DFFA: variants seen among roughly 807,000 people sequenced by gnomAD.
DFFA encodes the protein DNA fragmentation factor subunit alpha, also known as DFF45.
Under a neutral mutation model 28.0 loss-of-function variants are expected in DFFA, and 14 were observed. That is an observed-to-expected ratio of 0.50 (90% CI 0.33 to 0.78). The LOEUF is 0.78. DFFA is among the 30% of genes least tolerant of loss of function. The pLI, the probability that DFFA is intolerant of heterozygous loss-of-function variation, is 0.02. For missense variants in DFFA, 395 were observed against 407.1 expected (o/e 0.97, Z 0.26); for synonymous variants, 158 against 170.3 (o/e 0.93, Z 0.56).
In DFFA at chr1:10,466,721, G is replaced by T. The variant is rs574051619; in HGVS notation, c.441+469C>A. 4.8e-4 allele frequency among the ~76,000 whole-genome samples: 73 copies of T among 151,996 alleles called. 1 individual carries two copies. In the Middle Eastern group the frequency reaches 0.01, roughly 21 times the overall value. ...CACGCCTATAATCTCAGCACTTTGGGAGGCTGAGGCAGGTGGATCACTTGA... is the reference window on the plus strand; with the variant it reads ...CACGCCTATAATCTCAGCACTTTGGTAGGCTGAGGCAGGTGGATCACTTGA... On this transcript the variant is annotated intron_variant, in intron 3 of 5. Transcript: ENST00000377038.
At chr1:10,462,407 A>G in intron 5 of DFFA, 5 of 987,006 alleles carry the variant, frequency 5.1e-6, no homozygotes, top group Non-Finnish European at 6.0e-6. Context: ...ACTGGCATTA[A>G]CAGGCGTAAG....
rs1161281547 is a variant in DFFA, at chr1:10,460,769, C to G, written c.*721G>C. 6.6e-6 allele frequency: 1 copy of G among 151,170 alleles called. No homozygotes were observed. The highest frequency in any genetic ancestry group is 1.5e-5 in the Non-Finnish European group (1 of 67,972). The allele number at this position is 151,170 out of a possible 1,614,324, so 9.4% of individuals were successfully genotyped here. A position where few individuals can be genotyped will look rare whatever the true frequency, so the allele number is the denominator to read the frequency against. On this transcript the variant is annotated 3_prime_UTR_variant, in exon 6 of 6. Transcript: ENST00000377038. Reference sequence around the variant, plus strand: ...GGTCTCGATCTCCTGACCTCGTGATCCACCCGCCTCGGCCTCCCAAAGTGC... The same window carrying G: ...GGTCTCGATCTCCTGACCTCGTGATGCACCCGCCTCGGCCTCCCAAAGTGC...
intron 3 of DFFA, among the ~76,000 whole-genome samples, chr1:10,466,391 A>G (rs1045807945): frequency 2.6e-5 from 4 of 151,736 alleles, no homozygotes; most frequent in Non-Finnish European, 5.9e-5. Flanking sequence ...GGGTTTTACC[A>G]TGTTAGCCAG....
In DFFA at chr1:10,469,139, C is replaced by T. The variant is rs372495734; in HGVS notation, c.298+38G>A. On this transcript the variant is annotated intron_variant, in intron 2 of 5. Transcript: ENST00000377038. ...GAAAGTAATCATGATGGATGCTGTA[C>T]TGCATAGGCCGTTTTATACATGGCT... The T allele has an allele frequency of 3.1e-6, 5 of 1,605,194 alleles. No individual in the cohort carries two copies. The African/African-American group carries it at 6.7e-5, about 21-fold the overall frequency.
At chr1:10,466,450 A>G (rs1182211165) in intron 3 of DFFA, among the ~76,000 whole-genome samples, 1 of 151,642 alleles carries the variant, frequency 6.6e-6, no homozygotes, top group Non-Finnish European at 1.5e-5. Flanking sequence ...CGGCCTCCCA[A>G]AGTGCTGAGA....
In DFFA at chr1:10,472,434, C is replaced by G; in HGVS notation, c.25G>C (p.Val9Leu). MEVTGDAG[V>L]PESGEIRTLK... ...GTCCGGATCTCGCCAGATTCTGGTA[C>G]CCCGGCGTCCCCGGTCACCTCCATC... The change falls in exon 1 of 6, where the codon GTA (valine) becomes CTA (leucine). Residue 9 changes from valine to leucine, a missense_variant. By Grantham distance (32) the Val-to-Leu change is conservative. Coordinates refer to ENST00000377038, the MANE Select transcript of DFFA (RefSeq NM_004401.3). The surrounding 1 kb of genome is among the most constrained non-coding windows in gnomAD (Gnocchi z 5.0). 2 of 1,611,008 alleles carry G rather than the reference C, an allele frequency of 1.2e-6. No homozygotes were observed.
In DFFA at chr1:10,469,164, T is replaced by C. The variant is rs1641060372; in HGVS notation, c.298+13A>G. On this transcript the variant is annotated intron_variant, in intron 2 of 5. Transcript: ENST00000377038. ...CTGCATAGGCCGTTTTATACATGGC[T>C]AGAGTTTCTTACCTGAATTGTTGTA... 1.2e-6 allele frequency: 2 copies of C among 1,613,722 alleles called. No homozygotes were observed. The highest frequency in any genetic ancestry group is 8.5e-7 in the Non-Finnish European group (1 of 1,179,794).
chr1:10,469,356 T>A lies in DFFA; in HGVS notation c.137-18A>T. ...GTCACAGGCTGAAAAGAATAAAATA[T>A]TTGGCAAATGACAAATAACCGTAAG... is the stretch of plus-strand genomic sequence containing the variant. On this transcript the variant is annotated intron_variant, in intron 1 of 5. Coordinates refer to ENST00000377038, the MANE Select transcript of DFFA (RefSeq NM_004401.3). 1 of 1,611,712 alleles carries A rather than the reference T, an allele frequency of 6.2e-7. No homozygotes were observed. The highest frequency in any genetic ancestry group is 8.5e-7 in the Non-Finnish European group (1 of 1,178,770).
chr1:10,472,219 T>C lies in DFFA; in HGVS notation c.136+104A>G. The C allele has an allele frequency of 7.2e-7, 1 of 1,390,428 alleles. No individual in the cohort carries two copies. Among genetic ancestry groups the C allele is most frequent in the Non-Finnish European group, 9.6e-7 (1 of 1,042,994 alleles). The allele number at this position is 1,390,428 out of a possible 1,614,324, so 86.1% of individuals were successfully genotyped here. A position where few individuals can be genotyped will look rare whatever the true frequency, so the allele number is the denominator to read the frequency against. On this transcript the variant is annotated intron_variant, in intron 1 of 5. Transcript: ENST00000377038. This position sits in a 1 kb window ranked among gnomAD's most constrained non-coding sequence, Gnocchi z 5.0. Reference sequence around the variant, plus strand: ...TTCTGTCCCAAGCCTCCACCCGAGATACAAGAATCCCCAAGTCGCCTCTCC... The same window carrying C: ...TTCTGTCCCAAGCCTCCACCCGAGACACAAGAATCCCCAAGTCGCCTCTCC...
intron 3 of DFFA, 60 bp downstream of exon 3, chr1:10,467,130 T>A: frequency 1.2e-6 from 2 of 1,601,404 alleles, no homozygotes; most frequent in Non-Finnish European, 8.5e-7. Context: ...GCTAAGAAGG[T>A]GCTGGGGCGG....
chr1:10,460,621 C>G lies in DFFA; in HGVS notation c.*869G>C, dbSNP rs1570098990. ...CTCGGCTCACTGCAACTTCTGCCTC[C>G]CCGGTTCAAGCAATTCTCCTGCCTC... On this transcript the variant is annotated 3_prime_UTR_variant, in exon 6 of 6. Transcript: ENST00000377038. 1 of 151,322 alleles carries G rather than the reference C, an allele frequency of 6.6e-6. No homozygotes were observed. The highest frequency in any genetic ancestry group is 1.5e-5 in the Non-Finnish European group (1 of 67,888). The allele number at this position is 151,322 out of a possible 1,614,324, so 9.4% of individuals were successfully genotyped here. A position where few individuals can be genotyped will look rare whatever the true frequency, so the allele number is the denominator to read the frequency against.
intron 1 of DFFA, among the ~76,000 whole-genome samples, chr1:10,470,377 T>C (rs1641079139): frequency 6.6e-6 from 1 of 151,954 alleles, no homozygotes; most frequent in Non-Finnish European, 1.5e-5. Flanking sequence ...TCTAGTTTGA[T>C]TCCTTGCAAA....
In DFFA at chr1:10,472,417, C is replaced by T; in HGVS notation, c.42G>A (p.Glu14=). The change falls in exon 1 of 6, where the codon GAG becomes GAA. Residue 14 remains glutamate, a synonymous_variant. Coordinates refer to ENST00000377038, the MANE Select transcript of DFFA (RefSeq NM_004401.3). The surrounding 1 kb of genome is among the most constrained non-coding windows in gnomAD (Gnocchi z 5.0). The stretch of plus-strand genomic sequence containing the variant: ...GCAGACACGGCTTTAGAGTCCGGAT[C>T]TCGCCAGATTCTGGTACCCCGGCGT... ...TGDAGVPESG[E]IRTLKPCLLR... The T allele has an allele frequency of 6.2e-7, 1 of 1,612,312 alleles. No homozygotes were observed. The highest frequency in any genetic ancestry group is 8.5e-7 in the Non-Finnish European group (1 of 1,179,100).
intron 1 of DFFA, among the ~76,000 whole-genome samples, chr1:10,471,781 G>A (rs1457860450): frequency 6.6e-6 from 1 of 152,212 alleles, no homozygotes; most frequent in Non-Finnish European, 1.5e-5. Context: ...AGGGTTGAGA[G>A]CTGGTTAAGT....
chr1:10,465,574 G>C (rs1641010484), intron 3 of DFFA, among the ~76,000 whole-genome samples: 1 of 151,980 alleles, frequency 6.6e-6, no homozygotes, highest in Non-Finnish European at 1.5e-5. Flanking sequence ...TGTATTTTTA[G>C]TAAAGACGGG....
intron 5 of DFFA, 94 bp from the exon 6 acceptor site, chr1:10,461,796 T>C: frequency 9.1e-6 from 14 of 1,543,314 alleles, no homozygotes; most frequent in Non-Finnish European, 1.2e-5. Flanking sequence ...AATGAGGCAG[T>C]ATCCGTTTAT....
rs59658414 is a variant in DFFA, at chr1:10,470,422, CTTT to C, written c.137-1087_137-1085del. ...TCTCATTCATTTATTCAGTTTTCCTCTTTTTTTTTTTTTTTTTTTTGAGACGGA... is the reference window on the plus strand; with the variant it reads ...TCTCATTCATTTATTCAGTTTTCCTCTTTTTTTTTTTTTTTTTGAGACGGA... On this transcript the variant is annotated intron_variant, in intron 1 of 5. Coordinates refer to ENST00000377038, the MANE Select transcript of DFFA (RefSeq NM_004401.3). 1.8e-4 allele frequency among the ~76,000 whole-genome samples: 19 copies of C among 107,274 alleles called. No individual in the cohort carries two copies. In the East Asian group the frequency reaches 2.0e-3, roughly 11 times the overall value. 70.4% of individuals were successfully genotyped at this position (107,274 alleles called of 152,430 possible).
chr1:10,471,161 G>A (rs530065791), intron 1 of DFFA, among the ~76,000 whole-genome samples: 14 of 152,000 alleles, frequency 9.2e-5, no homozygotes, highest in African/African-American at 3.4e-4. Flanking sequence ...AGAAGTGGAA[G>A]CTTCTATCAG....
chr1:10,457,631 T>C lies in DFFA; in HGVS notation c.*3859A>G, dbSNP rs1190826705. 1.3e-5 allele frequency: 2 copies of C among 152,026 alleles called. No individual in the cohort carries two copies. The highest frequency in any genetic ancestry group is 4.8e-5 in the African/African-American group (2 of 41,376). The allele number at this position is 152,026 out of a possible 1,614,324, so 9.4% of individuals were successfully genotyped here. ...AGATGGAGGTTGCAGTGAGCAGAGATTGTGCCACTACACTCCAGCCTGGGC... is the reference window on the plus strand; with the variant it reads ...AGATGGAGGTTGCAGTGAGCAGAGACTGTGCCACTACACTCCAGCCTGGGC... On this transcript the variant is annotated 3_prime_UTR_variant, in exon 6 of 6. Coordinates refer to ENST00000377038, the MANE Select transcript of DFFA (RefSeq NM_004401.3).
Sources: allele counts gnomAD v4.1 joint callset (sites outside exome capture counted in the v4.1 genomes callset), GRCh38; gene constraint gnomAD v4.1.1; non-coding constraint Gnocchi (gnomAD v3.1); transcripts MANE v1.5; gene names NCBI Gene and HGNC (gene_info 2026-07-23, HGNC 2026-07-21).